PRORP: variants seen among roughly 807,000 people sequenced by gnomAD.
PRORP encodes the protein mitochondrial ribonuclease P catalytic subunit.
PRORP carries 51 observed loss-of-function variants against 59.4 expected under a neutral mutation model. That is an observed-to-expected ratio of 0.86 (90% confidence interval 0.69 to 1.08). The LOEUF is 1.08. Among genes scored for constraint, PRORP ranks in the 50% least tolerant of loss-of-function variants. The pLI is 0.00. For missense variants in PRORP, 646 were observed against 690.3 expected (o/e 0.94, Z 0.72); for synonymous variants, 231 against 245.6 (o/e 0.94, Z 0.55).
upstream of PRORP, chr14:35,121,915 G>A (rs1566433951): frequency 6.2e-7 from 1 of 1,614,174 alleles, no homozygotes; most frequent in Non-Finnish European, 8.5e-7. Context: ...TTGGACAGGT[G>A]TTGGGCGTCG....
At chr14:35,225,905 AC>A (rs2049922203) in intron 5 of PRORP, among the ~76,000 whole-genome samples, 1 of 152,062 alleles carries the variant, frequency 6.6e-6, no homozygotes, top group Non-Finnish European at 1.5e-5. Flanking sequence ...AAATAAATAA[AC>A]AAATGAGAAA....
At chr14:35,203,174 A>G (rs1430454481) in intron 5 of PRORP, among the ~76,000 whole-genome samples, 2 of 152,192 alleles carry the variant, frequency 1.3e-5, no homozygotes, top group South Asian at 2.1e-4. Context: ...ACTTTTTTCC[A>G]TACTTGATGC....
chr14:35,189,551 A>T (rs1318525508), intron 5 of PRORP, among the ~76,000 whole-genome samples: 7 of 151,960 alleles, frequency 4.6e-5, no homozygotes, highest in Non-Finnish European at 8.8e-5. Flanking sequence ...AGGTTGATTC[A>T]ATTACTGTTT....
chr14:35,169,055 G>A (rs2048252767), intron 4 of PRORP, among the ~76,000 whole-genome samples: 1 of 148,204 alleles, frequency 6.7e-6, no homozygotes, highest in Non-Finnish European at 1.5e-5. Flanking sequence ...TTTTTAAGTT[G>A]AAAACTTAGG....
intron 5 of PRORP, among the ~76,000 whole-genome samples, chr14:35,251,544 T>A (rs1208086982): frequency 5.9e-5 from 9 of 152,036 alleles, no homozygotes; most frequent in Non-Finnish European, 2.9e-5. Flanking sequence ...ATAATGTTGT[T>A]TATATTTTTG....
intron 5 of PRORP, among the ~76,000 whole-genome samples, chr14:35,205,045 A>G (rs1034268124): frequency 1.1e-4 from 16 of 152,238 alleles, no homozygotes; most frequent in Non-Finnish European, 2.1e-4. Flanking sequence ...ATTCAGAGCT[A>G]GTAAATGTCA....
rs541372882 is a variant in PRORP at position 35,180,322 on chromosome 14, A to G, written c.1168-348A>G. ...GGACTGGAGCTGTTCCTATTCGGCC[A>G]TCTTGGAACCGCCAGTTCATTCTTA... On this transcript the variant is annotated intron_variant, in intron 4 of 7. Coordinates refer to ENST00000534898, the MANE Select transcript of PRORP (RefSeq NM_014672.4). Among the ~76,000 whole-genome samples, 28 of 152,314 alleles carry G rather than the reference A, an allele frequency of 1.8e-4. No individual in the cohort carries two copies. The East Asian group carries it at 5.4e-3, about 29-fold the overall frequency.
chr14:35,186,705 C>T (rs1595266755), intron 5 of PRORP, among the ~76,000 whole-genome samples: 1 of 151,696 alleles, frequency 6.6e-6, no homozygotes, highest in African/African-American at 2.4e-5. Flanking sequence ...TGGTCCTCTG[C>T]CTCAGCCTTC....
intron 4 of PRORP, among the ~76,000 whole-genome samples, chr14:35,131,429 T>C (rs1016611855): frequency 6.6e-6 from 1 of 152,218 alleles, no homozygotes; most frequent in Non-Finnish European, 1.5e-5. Flanking sequence ...AAATATGTCA[T>C]GCCATTCTTT....
chr14:35,121,959 T>A, upstream of PRORP: 1 of 1,614,172 alleles, frequency 6.2e-7, no homozygotes, highest in Non-Finnish European at 8.5e-7. Context: ...TTCCAGTCCA[T>A]GGCCGACTTC....
At chr14:35,240,587 TCTC>T (rs2050340026) in intron 5 of PRORP, among the ~76,000 whole-genome samples, 1 of 152,128 alleles carries the variant, frequency 6.6e-6, no homozygotes. Flanking sequence ...TCACACTGGA[TCTC>T]CTCATTTTTT....
At chr14:35,184,678 C>T (rs2048700030) in intron 5 of PRORP, among the ~76,000 whole-genome samples, 1 of 152,166 alleles carries the variant, frequency 6.6e-6, no homozygotes, top group Non-Finnish European at 1.5e-5. Flanking sequence ...TTCTCCCACA[C>T]TCCCCGCTCA....
At chr14:35,266,614 AC>A (rs2051049395) in intron 5 of PRORP, 112 bp from the exon 6 acceptor site, 1 of 1,083,006 alleles carries the variant, frequency 9.2e-7, no homozygotes, top group Non-Finnish European at 1.4e-6. Flanking sequence ...TTGTTTTCTT[AC>A]CCCCTACCAG....
intron 5 of PRORP, among the ~76,000 whole-genome samples, chr14:35,264,314 G>C (rs2050982394): frequency 6.6e-6 from 1 of 151,952 alleles, no homozygotes; most frequent in South Asian, 2.1e-4. Context: ...TTTTAGTAGA[G>C]ATGGGGCCAT....
intron 6 of PRORP, among the ~76,000 whole-genome samples, chr14:35,268,222 G>A (rs2051094599): frequency 6.6e-6 from 1 of 151,682 alleles, no homozygotes. Flanking sequence ...CACACGCCTT[G>A]TAGTCCCAGG....
chr14:35,155,197 C>T (rs895003515), intron 4 of PRORP, among the ~76,000 whole-genome samples: 5 of 152,040 alleles, frequency 3.3e-5, no homozygotes, highest in African/African-American at 1.2e-4. Flanking sequence ...CTGACCCAAA[C>T]TCTTTAGATT....
intron 5 of PRORP, among the ~76,000 whole-genome samples, chr14:35,210,661 T>G (rs976125106): frequency 2.7e-5 from 4 of 149,994 alleles, no homozygotes; most frequent in African/African-American, 9.8e-5. Context: ...ATTTAGATAC[T>G]AGATAAATAA....
At chr14:35,150,249 G>T (rs529866106) in intron 4 of PRORP, among the ~76,000 whole-genome samples, 1 of 152,304 alleles carries the variant, frequency 6.6e-6, no homozygotes, top group South Asian at 2.1e-4. Context: ...AACACCTAGA[G>T]GCCATCGTAG....
At chr14:35,267,931 C>T (rs1345261917) in intron 6 of PRORP, among the ~76,000 whole-genome samples, 2 of 152,102 alleles carry the variant, frequency 1.3e-5, no homozygotes, top group Non-Finnish European at 2.9e-5. Context: ...ATGCAGAGGA[C>T]CTTGCAGATC....
Sources: allele counts gnomAD v4.1 joint callset (sites outside exome capture counted in the v4.1 genomes callset), GRCh38; gene constraint gnomAD v4.1.1; transcripts MANE v1.5; gene names NCBI Gene and HGNC (gene_info 2026-07-23, HGNC 2026-07-21).